GRIK2: variants seen among roughly 807,000 people sequenced by gnomAD.
The protein encoded by GRIK2 is glutamate ionotropic receptor kainate type subunit 2, also known as glutamate receptor ionotropic, kainate 2.
Under a neutral mutation model 100.3 loss-of-function variants are expected in GRIK2, and 32 were observed. The ratio of observed to expected loss-of-function variants is 0.32; its 90% CI spans 0.24 to 0.43. The LOEUF (loss-of-function observed/expected upper bound fraction) is 0.43. Ranked by LOEUF, GRIK2 falls within the 20% of genes least tolerant of loss-of-function variation. GRIK2 has a pLI of 1.00. For synonymous variants in GRIK2, 417 were observed against 389.4 expected (o/e 1.07, Z -0.83); for missense variants, 843 against 1,114.9 (o/e 0.76, Z 3.47).
At chr6:101,694,059 G>A (rs1411661130) in intron 7 of GRIK2, among the ~76,000 whole-genome samples, 1 of 152,096 alleles carries the variant, frequency 6.6e-6, no homozygotes, top group African/African-American at 2.4e-5. Flanking sequence ...CCTGACAAGA[G>A]CATGAAGTCC....
intron 14 of GRIK2, among the ~76,000 whole-genome samples, chr6:101,934,195 T>A (rs1173871551): frequency 2.0e-5 from 3 of 151,896 alleles, no homozygotes; most frequent in African/African-American, 7.2e-5. Flanking sequence ...AACCAAGGAA[T>A]GCATAGTATC....
At position 101,760,604 on chromosome 6, in the gene GRIK2, A is replaced by T. The variant is rs867234018; in HGVS notation, c.952-39044A>T. 5.2e-4 allele frequency among the ~76,000 whole-genome samples: 32 copies of T among 62,076 alleles called. 3 individuals are homozygous for T. The East Asian group carries it at 5.9e-3, about 11-fold the overall frequency. The allele number at this position is 62,076 out of a possible 152,430, so 40.7% of individuals were successfully genotyped here. On this transcript the variant is annotated intron_variant, in intron 7 of 16. Transcript: ENST00000369134. ...TATATATAATTATATATAATTATAT[A>T]TAATTATATTTAATTATATGTTTAA... is the stretch of plus-strand genomic sequence containing the variant.
At chr6:101,646,686 G>A (rs951124024) in intron 4 of GRIK2, among the ~76,000 whole-genome samples, 2 of 151,976 alleles carry the variant, frequency 1.3e-5, no homozygotes, top group Non-Finnish European at 2.9e-5. Flanking sequence ...TATCACCACA[G>A]GCAATTGGGC....
intron 7 of GRIK2, among the ~76,000 whole-genome samples, chr6:101,715,021 T>A (rs1006424989): frequency 1.3e-5 from 2 of 151,600 alleles, no homozygotes; most frequent in Non-Finnish European, 3.0e-5. Context: ...TATACAAACG[T>A]TTTACAATTT....
intron 2 of GRIK2, among the ~76,000 whole-genome samples, chr6:101,539,127 G>C (rs1775864952): frequency 6.6e-6 from 1 of 151,692 alleles, no homozygotes; most frequent in Non-Finnish European, 1.5e-5. Context: ...CATACCATTA[G>C]TTAGATAATG....
Position 101,875,136 on chromosome 6 carries a change from A to G in GRIK2, c.1525-14504A>G, listed in dbSNP as rs533354656. On this transcript the variant is annotated intron_variant, in intron 11 of 16. Transcript: ENST00000369134. ...GGCCAGAACTTCCAACACTATGTTG[A>G]ATAGGAGTGGTGAGAGAGGGCATCC... Among the ~76,000 whole-genome samples the G allele has an allele frequency of 2.2e-4, 34 of 152,184 alleles. 1 individual carries two copies. The South Asian group carries it at 6.8e-3, about 31-fold the overall frequency.
At chr6:102,009,547 A>C (rs559491721) in intron 14 of GRIK2, among the ~76,000 whole-genome samples, 4 of 152,290 alleles carry the variant, frequency 2.6e-5, no homozygotes, top group Admixed American at 6.5e-5. Flanking sequence ...AAGTGGCTGC[A>C]GTAAAGGGAA....
chr6:101,551,926 G>A (rs1776531539), intron 2 of GRIK2, among the ~76,000 whole-genome samples: 1 of 152,180 alleles, frequency 6.6e-6, no homozygotes, highest in African/African-American at 2.4e-5. Context: ...GAAGATTAGT[G>A]TAAAGCTTCT....
chr6:102,053,247 T>C (rs1771295306), intron 15 of GRIK2, among the ~76,000 whole-genome samples: 1 of 152,182 alleles, frequency 6.6e-6, no homozygotes, highest in African/African-American at 2.4e-5. Flanking sequence ...ACTATCATTC[T>C]GTTTAAAATG....
intron 7 of GRIK2, among the ~76,000 whole-genome samples, chr6:101,778,068 C>T (rs971550595): frequency 1.3e-5 from 2 of 152,194 alleles, no homozygotes; most frequent in East Asian, 1.9e-4. Context: ...TACTTTTATA[C>T]ACTTACTACA....
chr6:101,992,437 T>C (rs1027076477), intron 14 of GRIK2, among the ~76,000 whole-genome samples: 12 of 151,562 alleles, frequency 7.9e-5, no homozygotes, highest in Non-Finnish European at 1.3e-4. Flanking sequence ...TTCATACATA[T>C]CAAAAGGGAC....
chr6:101,997,962 A>G (rs1010732277), intron 14 of GRIK2, among the ~76,000 whole-genome samples: 2 of 152,116 alleles, frequency 1.3e-5, no homozygotes, highest in African/African-American at 4.8e-5. Context: ...TTGACATACA[A>G]TAAACTTCAC....
intron 12 of GRIK2, among the ~76,000 whole-genome samples, chr6:101,910,370 A>G (rs1788590263): frequency 6.6e-6 from 1 of 151,156 alleles, no homozygotes; most frequent in African/African-American, 2.4e-5. Flanking sequence ...AATTTGAGTC[A>G]ATTGTTACTA....
At chr6:101,566,231 C>T (rs1037081820) in intron 2 of GRIK2, among the ~76,000 whole-genome samples, 1 of 151,362 alleles carries the variant, frequency 6.6e-6, no homozygotes, top group Non-Finnish European at 1.5e-5. Flanking sequence ...TTAAATGAAG[C>T]CAATTTTGGT....
At chr6:101,946,519 A>G (rs1791286969) in intron 14 of GRIK2, among the ~76,000 whole-genome samples, 1 of 48,482 alleles carries the variant, frequency 2.1e-5, no homozygotes, top group Admixed American at 2.6e-4. Context: ...TTGCTGTTGA[A>G]AAAAAAAATA....
At chr6:101,956,574 CCTGT>C (rs1397840585) in intron 14 of GRIK2, among the ~76,000 whole-genome samples, 3 of 151,716 alleles carry the variant, frequency 2.0e-5, no homozygotes, top group African/African-American at 7.3e-5. Context: ...CTATTATTAC[CCTGT>C]CTATGTCCAT....
chr6:101,795,513 C>G (rs1030519679), intron 7 of GRIK2, among the ~76,000 whole-genome samples: 1 of 152,150 alleles, frequency 6.6e-6, no homozygotes, highest in African/African-American at 2.4e-5. Context: ...TGTTGGGCCT[C>G]CAGGAAGCTT....
At chr6:101,454,104 CG>C (rs1313748585) in intron 2 of GRIK2, among the ~76,000 whole-genome samples, 1 of 151,996 alleles carries the variant, frequency 6.6e-6, no homozygotes, top group African/African-American at 2.4e-5. Flanking sequence ...GGAAGAAGGC[CG>C]ATTTTCCTGT....
chr6:101,777,042 C>G (rs577829654), intron 7 of GRIK2, among the ~76,000 whole-genome samples: 1 of 152,208 alleles, frequency 6.6e-6, no homozygotes, highest in Non-Finnish European at 1.5e-5. Flanking sequence ...AGGAATTGTG[C>G]GAACTGCTTT....
Sources: allele counts gnomAD v4.1 joint callset (sites outside exome capture counted in the v4.1 genomes callset), GRCh38; gene constraint gnomAD v4.1.1; transcripts MANE v1.5; gene names NCBI Gene and HGNC (gene_info 2026-07-23, HGNC 2026-07-21).